KLKB1: variants seen among roughly 807,000 people sequenced by gnomAD.
KLKB1 encodes the protein kallikrein B1.
KLKB1 carries 58 observed loss-of-function variants against 73.6 expected under a neutral mutation model. The ratio of observed to expected loss-of-function variants is 0.79; its 90% CI spans 0.64 to 0.98. KLKB1 has a LOEUF of 0.98. KLKB1 is among the 50% of genes least tolerant of loss of function. The probability of loss-of-function intolerance (pLI) is 0.00; values close to 1 mark genes in which losing one functional copy is unlikely to be tolerated. For synonymous variants in KLKB1, 280 were observed against 258.1 expected (o/e 1.08, Z -0.81); for missense variants, 737 against 763.8 (o/e 0.96, Z 0.41).
intron 4 of KLKB1, among the ~76,000 whole-genome samples, chr4:186,234,911 A>G (rs534179503): frequency 6.6e-6 from 1 of 152,266 alleles, no homozygotes. Context: ...CTGTTATTCT[A>G]TGTATGACTA....
intron 6 of KLKB1, among the ~76,000 whole-genome samples, chr4:186,241,069 A>T (rs1738019628): frequency 6.6e-6 from 1 of 152,196 alleles, no homozygotes; most frequent in African/African-American, 2.4e-5. Flanking sequence ...GACTGATAAA[A>T]ATATGGCTGT....
chr4:186,250,791 A>G (rs1738627594), intron 7 of KLKB1, among the ~76,000 whole-genome samples: 1 of 152,200 alleles, frequency 6.6e-6, no homozygotes. Flanking sequence ...TTCAGAAACT[A>G]GAGCCCTGTT....
chr4:186,229,577 G>T (rs946407342), intron 2 of KLKB1, among the ~76,000 whole-genome samples: 2 of 152,018 alleles, frequency 1.3e-5, no homozygotes, highest in African/African-American at 4.8e-5. Flanking sequence ...AAAAATACTA[G>T]ATTCAAAGGT....
Position 186,250,301 on chromosome 4 carries a change from T to TCTCA in KLKB1, c.661_664dup (p.Pro222HisfsTer39). 6.2e-7 allele frequency: 1 copy of TCTCA among 1,614,132 alleles called. No homozygotes were observed. The highest frequency in any genetic ancestry group is 8.5e-7 in the Non-Finnish European group (1 of 1,179,980). On this transcript the variant is annotated frameshift_variant, in exon 7 of 15. Coordinates refer to ENST00000264690, the MANE Select transcript of KLKB1 (RefSeq NM_000892.5). LOFTEE classifies it high-confidence loss of function. ...TCTCAGATGTGGATGTTGCCAGGGT[T>TCTCA]CTCACTCCAGATGCTTTTGTGTGTC...
At chr4:186,221,660 G>GC (rs1368241546), upstream of KLKB1, among the ~76,000 whole-genome samples, 6 of 152,072 alleles carry the variant, frequency 3.9e-5, no homozygotes, top group Admixed American at 1.3e-4. Context: ...AAAGATACTT[G>GC]ATATGATTTC....
chr4:186,227,074 G>T (rs566438715), upstream of KLKB1, among the ~76,000 whole-genome samples: 1 of 152,252 alleles, frequency 6.6e-6, no homozygotes, highest in Admixed American at 6.5e-5. Context: ...CTGTGGTGAA[G>T]TTAGGTTCTA....
At chr4:186,253,275 CA>C (rs1738807828) in intron 11 of KLKB1, among the ~76,000 whole-genome samples, 1 of 149,158 alleles carries the variant, frequency 6.7e-6, no homozygotes, top group African/African-American at 2.4e-5. Flanking sequence ...CAAAAATAAA[CA>C]CACCAAGTAT....
At chr4:186,228,152 G>T in intron 1 of KLKB1, 43 bp from the exon 2 acceptor site, 1 of 1,068,342 alleles carries the variant, frequency 9.4e-7, no homozygotes. Context: ...TATGTTAAAT[G>T]TGGTCTAAAA....
chr4:186,226,262 T>C (rs1737165885), upstream of KLKB1, among the ~76,000 whole-genome samples: 1 of 152,066 alleles, frequency 6.6e-6, no homozygotes, highest in Admixed American at 6.5e-5. Flanking sequence ...GCAGTAAAGA[T>C]CTCCATTTCT....
chr4:186,237,137 C>T (rs1026478608), intron 5 of KLKB1, among the ~76,000 whole-genome samples, 197 bp downstream of exon 5: 4 of 152,064 alleles, frequency 2.6e-5, no homozygotes, highest in Non-Finnish European at 4.4e-5. Context: ...CGCGCTCTGT[C>T]GCCCAGGCTA....
intron 5 of KLKB1, among the ~76,000 whole-genome samples, chr4:186,237,314 G>C (rs2126639748): frequency 6.6e-6 from 1 of 152,182 alleles, no homozygotes; most frequent in South Asian, 2.1e-4. Flanking sequence ...GGTCAGGCTG[G>C]TCTCGAACTC....
chr4:186,235,128 A>ACG (rs1737590905), intron 4 of KLKB1, among the ~76,000 whole-genome samples: 3 of 152,204 alleles, frequency 2.0e-5, no homozygotes, highest in Admixed American at 1.3e-4. Flanking sequence ...AGCCAGTATA[A>ACG]TAGGTGTAGT....
At position 186,250,099 on chromosome 4, in the gene KLKB1, A is replaced by G. The variant is rs1250354743; in HGVS notation, c.599-144A>G. On this transcript the variant is annotated intron_variant, in intron 6 of 14. Transcript: ENST00000264690. ...TCTAAATGGCAAACAGTTTGGAGATACTTTAAAGGACATTTTTTCACTTAG... is the reference window on the plus strand; with the variant it reads ...TCTAAATGGCAAACAGTTTGGAGATGCTTTAAAGGACATTTTTTCACTTAG... The G allele has an allele frequency of 7.9e-6, 7 of 880,884 alleles. No individual in the cohort carries two copies. In the Admixed American group the frequency reaches 1.1e-4, roughly 14 times the overall value. 54.6% of individuals were successfully genotyped at this position (880,884 alleles called of 1,614,324 possible).
Position 186,213,775 on chromosome 4 carries a change from G to C in KLKB1, c.201+4503G>C, listed in dbSNP as rs72647307. Among the ~76,000 whole-genome samples, 846 of 152,254 alleles carry C rather than the reference G, an allele frequency of 5.6e-3. 5 individuals are homozygous for C. The highest frequency in any genetic ancestry group is 0.019 in the African/African-American group (789 of 41,536). ...AATGACCCAATAAGAGATGCTGGTC[G>C]TAAAAATCCATTTTTATCTGGAATG... On this transcript the variant is annotated intron_variant, in intron 2 of 14. Coordinates refer to the KLKB1 transcript ENST00000511608.
At chr4:186,248,689 C>A (rs769562485) in intron 6 of KLKB1, among the ~76,000 whole-genome samples, 2 of 138,788 alleles carry the variant, frequency 1.4e-5, no homozygotes, top group Non-Finnish European at 3.0e-5. Flanking sequence ...TATGTATATA[C>A]TTAGGATTAA....
chr4:186,252,579 C>T (rs890970407), intron 11 of KLKB1, among the ~76,000 whole-genome samples: 1 of 142,100 alleles, frequency 7.0e-6, no homozygotes, highest in Non-Finnish European at 1.6e-5. Flanking sequence ...CCACCAATCC[C>T]ACCACCAATC....
chr4:186,251,702 C>G lies in KLKB1; in HGVS notation c.1032-47C>G, dbSNP rs144446120. 189 of 1,606,446 alleles carry G rather than the reference C, an allele frequency of 1.2e-4. No individual in the cohort carries two copies. In the African/African-American group the frequency reaches 1.8e-3, roughly 16 times the overall value. On this transcript the variant is annotated intron_variant, in intron 9 of 14. Coordinates refer to ENST00000264690, the MANE Select transcript of KLKB1 (RefSeq NM_000892.5). ...AGTTGACATGACCATTTCATATTCT[C>G]TTTCCCCCTGTGAAGGCTTACTCTT...
At chr4:186,246,649 A>G (rs1416064563) in intron 6 of KLKB1, among the ~76,000 whole-genome samples, 1 of 151,556 alleles carries the variant, frequency 6.6e-6, no homozygotes, top group Non-Finnish European at 1.5e-5. Context: ...AAGAAGGAGG[A>G]ATGGAGGGTG....
chr4:186,252,456 C>T (rs1268883633), intron 11 of KLKB1, among the ~76,000 whole-genome samples: 2 of 151,980 alleles, frequency 1.3e-5, no homozygotes, highest in Admixed American at 6.6e-5. Flanking sequence ...AACCCACCAC[C>T]CACCACCAAT....
Sources: gnomAD v4.1 joint callset for allele counts (sites outside exome capture counted in the v4.1 genomes callset) on GRCh38, gnomAD v4.1.1 for gene constraint, MANE v1.5 for transcripts, NCBI Gene and HGNC (gene_info 2026-07-23, HGNC 2026-07-21) for gene names.